The following KCNU1 variants were observed in gnomAD, a reference collection of about 807,000 sequenced individuals.
KCNU1 encodes the protein potassium channel subfamily U member 1.
A neutral mutation model predicts 126.8 loss-of-function variants in KCNU1; 93 were observed. That is an observed-to-expected ratio of 0.73 (90% CI 0.62 to 0.87). KCNU1 has a LOEUF of 0.87. KCNU1 is among the 40% of genes least tolerant of loss of function. The pLI is 0.00. For missense variants in KCNU1, 1,330 were observed against 1,367.1 expected (o/e 0.97, Z 0.43); for synonymous variants, 523 against 494.2 (o/e 1.06, Z -0.77).
At position 36,851,844 on chromosome 8, in the gene KCNU1, A is replaced by G. The variant is rs1192066839; in HGVS notation, c.1891+5945A>G. Among the ~76,000 whole-genome samples, 4 of 152,134 alleles carry G rather than the reference A, an allele frequency of 2.6e-5. No homozygotes were observed. In the East Asian group the frequency reaches 5.8e-4, roughly 22 times the overall value. ...CTCACTGAATGTGTTTATTAGTTCTAACAGTTTTTTGATTGCCTCTTATTT... is the reference window on the plus strand; with the variant it reads ...CTCACTGAATGTGTTTATTAGTTCTGACAGTTTTTTGATTGCCTCTTATTT... On this transcript the variant is annotated intron_variant, in intron 18 of 26. Transcript: ENST00000399881.
chr8:36,901,843 T>C (rs1334943504), intron 19 of KCNU1, among the ~76,000 whole-genome samples: 1 of 152,122 alleles, frequency 6.6e-6, no homozygotes, highest in Admixed American at 6.6e-5. Context: ...TGCCAGTCTC[T>C]CCTACAAAGC....
intron 19 of KCNU1, among the ~76,000 whole-genome samples, chr8:36,882,315 G>T (rs1806517096): frequency 6.6e-6 from 1 of 152,152 alleles, no homozygotes; most frequent in South Asian, 2.1e-4. Flanking sequence ...TTTCATTTGA[G>T]ATCTCATTCT....
At chr8:36,930,299 T>A (rs1006130890) in intron 24 of KCNU1, among the ~76,000 whole-genome samples, 1 of 152,102 alleles carries the variant, frequency 6.6e-6, no homozygotes, top group African/African-American at 2.4e-5. Flanking sequence ...AGACTCAAGC[T>A]CATTTCAAAA....
At chr8:36,918,532 G>A (rs1317447616) in intron 22 of KCNU1, among the ~76,000 whole-genome samples, 1 of 151,762 alleles carries the variant, frequency 6.6e-6, no homozygotes, top group African/African-American at 2.4e-5. Context: ...TCCAATCTCG[G>A]TGATGGAGCA....
chr8:36,897,657 A>C (rs1362420915), intron 19 of KCNU1, among the ~76,000 whole-genome samples: 1 of 152,038 alleles, frequency 6.6e-6, no homozygotes, highest in Non-Finnish European at 1.5e-5. Context: ...ACATCTAAGC[A>C]TGAGTGCCCC....
intron 7 of KCNU1, among the ~76,000 whole-genome samples, chr8:36,809,099 T>C (rs1007799546): frequency 6.6e-6 from 1 of 152,054 alleles, no homozygotes; most frequent in Admixed American, 6.6e-5. Context: ...GGTTCTAGCA[T>C]TAAAAAAAGA....
intron 19 of KCNU1, among the ~76,000 whole-genome samples, chr8:36,867,556 CAT>C (rs759134792): frequency 2.0e-5 from 3 of 152,164 alleles, no homozygotes; most frequent in Admixed American, 6.6e-5. Flanking sequence ...ATAAAGACAA[CAT>C]ATGTGATAAC....
Position 36,833,562 on chromosome 8 carries a change from C to G in KCNU1, c.1115C>G (p.Pro372Arg), listed in dbSNP as rs1271518868. 1.9e-6 allele frequency: 3 copies of G among 1,605,960 alleles called. No homozygotes were observed. Among genetic ancestry groups the G allele is most frequent in the Non-Finnish European group, 2.6e-6 (3 of 1,173,176 alleles). Reference sequence around the variant, plus strand: ...CGTTCTTTTTTGTCCAGAACCCCTCCTTCTTTGGAACTTGAAACCATATTT... The same window carrying G: ...CGTTCTTTTTTGTCCAGAACCCCTCGTTCTTTGGAACTTGAAACCATATTT... ...TEIVFLGETP[P>R]SLELETIFKC... is the part of the protein sequence containing the mutation. The change falls in exon 11 of 27, where the codon CCT (proline) becomes CGT (arginine). Residue 372 changes from proline (P) to arginine (R), a missense_variant. Pro to Arg is a moderately radical substitution (Grantham distance 103). Transcript: ENST00000399881.
intron 2 of KCNU1, among the ~76,000 whole-genome samples, chr8:36,789,215 G>A (rs965782322): frequency 2.0e-5 from 3 of 152,064 alleles, no homozygotes; most frequent in Admixed American, 1.3e-4. Flanking sequence ...AGTTAACTCA[G>A]CGTGTTGGCC....
At chr8:36,913,161 C>T (rs1807954068) in intron 22 of KCNU1, among the ~76,000 whole-genome samples, 1 of 151,784 alleles carries the variant, frequency 6.6e-6, no homozygotes, top group Non-Finnish European at 1.5e-5. Context: ...ATTTTAGTTT[C>T]CTTTATATCT....
intron 10 of KCNU1, among the ~76,000 whole-genome samples, chr8:36,826,718 T>A (rs2406949): frequency 0.046 from 7,033 of 152,024 alleles, 211 homozygotes; most frequent in Non-Finnish European, 0.065. Context: ...TTCTTTTTTT[T>A]AAAAAAAGTA....
chr8:36,877,031 C>G (rs1182503198), intron 19 of KCNU1, among the ~76,000 whole-genome samples: 1 of 152,086 alleles, frequency 6.6e-6, no homozygotes, highest in Non-Finnish European at 1.5e-5. Context: ...ATTATAAAAT[C>G]AACACTTTTC....
chr8:36,922,886 G>A (rs756993684), intron 24 of KCNU1: 19 of 569,242 alleles, frequency 3.3e-5, no homozygotes, highest in Non-Finnish European at 5.3e-5. Flanking sequence ...AGTGAGTGTC[G>A]GCCTCTCAGC....
chr8:36,892,923 G>C (rs1807025343), intron 19 of KCNU1, among the ~76,000 whole-genome samples: 1 of 151,948 alleles, frequency 6.6e-6, no homozygotes, highest in Admixed American at 6.6e-5. Flanking sequence ...TACAGTGAAT[G>C]TTTCAAAACC....
At chr8:36,846,203 C>T (rs1805138652) in intron 18 of KCNU1, among the ~76,000 whole-genome samples, 1 of 152,228 alleles carries the variant, frequency 6.6e-6, no homozygotes, top group African/African-American at 2.4e-5. Flanking sequence ...GGCATGCTGA[C>T]TTTCAGCCCA....
chr8:36,809,908 C>G (rs985744148), intron 7 of KCNU1, among the ~76,000 whole-genome samples: 17 of 152,172 alleles, frequency 1.1e-4, no homozygotes, highest in African/African-American at 4.1e-4. Flanking sequence ...TTTTGTCACT[C>G]GCTGACTTTT....
At chr8:36,892,276 T>C (rs1055362898) in intron 19 of KCNU1, among the ~76,000 whole-genome samples, 1 of 152,148 alleles carries the variant, frequency 6.6e-6, no homozygotes, top group African/African-American at 2.4e-5. Context: ...TTTTCAGTTA[T>C]TGTACTTCTT....
intron 2 of KCNU1, among the ~76,000 whole-genome samples, chr8:36,801,350 T>C (rs1383047174): frequency 6.6e-6 from 1 of 152,184 alleles, no homozygotes; most frequent in Non-Finnish European, 1.5e-5. Context: ...CTTTTGGTTT[T>C]AATATACATT....
chr8:36,834,059 A>C (rs1296423150), intron 11 of KCNU1, among the ~76,000 whole-genome samples: 1 of 152,200 alleles, frequency 6.6e-6, no homozygotes, highest in African/African-American at 2.4e-5. Context: ...TCCTAAATGC[A>C]TGGATATGCT....
Sources: gnomAD v4.1 joint callset for allele counts (sites outside exome capture counted in the v4.1 genomes callset) on GRCh38, gnomAD v4.1.1 for gene constraint, MANE v1.5 for transcripts, NCBI Gene and HGNC (gene_info 2026-07-23, HGNC 2026-07-21) for gene names.